CBY1: variants seen among roughly 807,000 people sequenced by gnomAD.
The protein encoded by CBY1 is chibby 1, beta catenin antagonist, also known as protein chibby homolog 1.
CBY1 carries 10 observed loss-of-function variants against 15.6 expected under a neutral mutation model. The ratio of observed to expected loss-of-function variants is 0.64; its 90% CI spans 0.40 to 1.09. The LOEUF (loss-of-function observed/expected upper bound fraction) is 1.09, where lower values mean the gene tolerates loss of function less well. CBY1 is among the 50% of genes least tolerant of loss of function. The pLI, the probability that CBY1 is intolerant of heterozygous loss-of-function variation, is 0.01. For missense variants in CBY1, 150 were observed against 160.5 expected (o/e 0.93, Z 0.35); for synonymous variants, 61 against 63.5 (o/e 0.96, Z 0.19).
Position 38,673,210 on chromosome 22 carries a change from C to A in CBY1, c.355C>A (p.Leu119Met), listed in dbSNP as rs377451904. The change falls in exon 5 of 5, where the codon CTG becomes ATG. Residue 119 changes from leucine to methionine, a missense_variant. Coordinates refer to ENST00000216029, the MANE Select transcript of CBY1 (RefSeq NM_015373.4). ...CTTAATGGAGAAGGAACTGGATGAA[C>A]TGAGGATCAGCCGGAAGAGAAAATG... ...SHLMEKELDELRISRKRK is the reference protein window; with the variant it reads ...SHLMEKELDEMRISRKRK 56 of 1,612,292 alleles carry A rather than the reference C, an allele frequency of 3.5e-5. No homozygotes were observed. The highest frequency in any genetic ancestry group is 4.5e-5 in the Non-Finnish European group (53 of 1,178,512).
At chr22:38,671,391 T>A (rs1603121144) in intron 4 of CBY1, 1 of 571,894 alleles carries the variant, frequency 1.7e-6, no homozygotes, top group Admixed American at 3.0e-5. Flanking sequence ...CATAATTACA[T>A]AAGGACCCAG....
At chr22:38,673,031 C>A in intron 4 of CBY1, 128 bp from the exon 5 acceptor site, 1 of 631,530 alleles carries the variant, frequency 1.6e-6, no homozygotes, top group Non-Finnish European at 2.9e-6. Context: ...GAGGGTTTCC[C>A]ATCGAGGAAG....
chr22:38,657,104 T>C (rs2092400838), intron 1 of CBY1: 2 of 984,028 alleles, frequency 2.0e-6, no homozygotes, highest in Non-Finnish European at 2.4e-6. Context: ...GAGAATCCGA[T>C]GAAAACCAGA....
Position 38,673,240 on chromosome 22 carries a change from C to T in CBY1, c.*4C>T, listed in dbSNP as rs1256253291. On this transcript the variant is annotated 3_prime_UTR_variant, in exon 5 of 5. Transcript: ENST00000216029. ...GATCAGCCGGAAGAGAAAATGAAGACCCCAGAGACATTTATTGGGGAGTAG... is the reference window on the plus strand; with the variant it reads ...GATCAGCCGGAAGAGAAAATGAAGATCCCAGAGACATTTATTGGGGAGTAG... The T allele has an allele frequency of 1.3e-6, 2 of 1,598,294 alleles. No individual in the cohort carries two copies. Among genetic ancestry groups the T allele is most frequent in the Non-Finnish European group, 1.7e-6 (2 of 1,165,848 alleles).
chr22:38,657,800 C>T (rs1464486177), intron 1 of CBY1, among the ~76,000 whole-genome samples: 3 of 152,182 alleles, frequency 2.0e-5, no homozygotes, highest in South Asian at 4.1e-4. Context: ...TGCTCAGGCC[C>T]AGTGCAGTTA....
intron 1 of CBY1, among the ~76,000 whole-genome samples, chr22:38,662,250 C>T (rs930516713): frequency 6.7e-6 from 1 of 149,502 alleles, no homozygotes; most frequent in Admixed American, 6.7e-5. Context: ...TGCAGTGAGC[C>T]GAGATCACGC....
chr22:38,666,595 G>A (rs1031793218), intron 1 of CBY1: 2 of 152,176 alleles, frequency 1.3e-5, no homozygotes, highest in African/African-American at 4.8e-5. Flanking sequence ...AACAGGTAAC[G>A]TGACATATGA....
intron 4 of CBY1, 65 bp from the exon 5 acceptor site, chr22:38,673,094 C>A (rs1054085106): frequency 2.1e-5 from 24 of 1,161,062 alleles, no homozygotes; most frequent in Non-Finnish European, 2.6e-5. Context: ...GTAGGGCCGG[C>A]CTTGCTAACC....
In CBY1 at chr22:38,671,068, A is replaced by G. The variant is rs756161618; in HGVS notation, c.185-2A>G. On this transcript the variant is annotated splice_acceptor_variant, in intron 3 of 4. Transcript: ENST00000216029. LOFTEE classifies it high-confidence loss of function. ...CTTTAACTGGTTCTGTCCTTCCTCC[A>G]GAGACAGGGGTTAGTGGCGGTGTGG... 6.2e-7 allele frequency: 1 copy of G among 1,614,070 alleles called. No individual in the cohort carries two copies. The highest frequency in any genetic ancestry group is 1.1e-5 in the South Asian group (1 of 91,088).
Position 38,656,868 on chromosome 22 carries a change from G to A in CBY1, c.-39+118G>A, listed in dbSNP as rs2092398507. On this transcript the variant is annotated intron_variant, in intron 1 of 4. Coordinates refer to ENST00000216029, the MANE Select transcript of CBY1 (RefSeq NM_015373.4). ...AGGCTTCAGGAGGGCCTGGGGAAGG[G>A]GACGGAGGCCGGGCGACCCCGGGCG... is the stretch of plus-strand genomic sequence containing the variant. 2.0e-5 allele frequency: 3 copies of A among 152,062 alleles called. No individual in the cohort carries two copies. In the East Asian group the frequency reaches 5.8e-4, roughly 29 times the overall value. The allele number at this position is 152,062 out of a possible 1,614,324, so 9.4% of individuals were successfully genotyped here.
intron 1 of CBY1, among the ~76,000 whole-genome samples, chr22:38,662,370 C>G (rs141925052): frequency 8.6e-5 from 13 of 151,536 alleles, no homozygotes; most frequent in Admixed American, 1.3e-4. Flanking sequence ...AGAACACTAA[C>G]CCCTGTTTTA....
At chr22:38,673,052 C>T in intron 4 of CBY1, 107 bp from the exon 5 acceptor site, 1 of 716,436 alleles carries the variant, frequency 1.4e-6, no homozygotes, top group Non-Finnish European at 2.5e-6. Flanking sequence ...CCAGCAGCAT[C>T]AGAGAAGTGG....
intron 1 of CBY1, among the ~76,000 whole-genome samples, chr22:38,663,066 G>A (rs1014881531): frequency 3.3e-5 from 5 of 152,052 alleles, no homozygotes; most frequent in African/African-American, 9.7e-5. Context: ...GTTGCAGTCA[G>A]CTGAGATCAC....
chr22:38,662,309 A>AAT (rs1555982183), intron 1 of CBY1, among the ~76,000 whole-genome samples: 118 of 151,854 alleles, frequency 7.8e-4, no homozygotes, highest in East Asian at 1.7e-3. Context: ...CTCAAAAAAA[A>AAT]AAATAAATAA....
At chr22:38,667,761 C>T (rs191238706) in intron 1 of CBY1, 15 of 380,600 alleles carry the variant, frequency 3.9e-5, no homozygotes, top group South Asian at 1.5e-4. Flanking sequence ...CAGGAGCCCA[C>T]GCCAGAGAAA....
At chr22:38,672,319 T>TTTTA (rs977655598) in intron 4 of CBY1, among the ~76,000 whole-genome samples, 3 of 151,772 alleles carry the variant, frequency 2.0e-5, no homozygotes, top group Non-Finnish European at 4.4e-5. Flanking sequence ...TTATTTTTAT[T>TTTTA]TTTATTTATT....
Position 38,671,115 on chromosome 22 carries a change from T to C in CBY1, c.230T>C (p.Leu77Pro). 6.2e-7 allele frequency: 1 copy of C among 1,614,232 alleles called. No homozygotes were observed. The highest frequency in any genetic ancestry group is 1.1e-5 in the South Asian group (1 of 91,088). The change falls in exon 4 of 5, where the codon CTT becomes CCT. Residue 77 changes from leucine (L) to proline (P), a missense_variant. Leu to Pro is a moderately conservative substitution (Grantham distance 98). Transcript: ENST00000216029. ...GGVDRREVQR[L>P]RRRNQQLEEE... is the part of the protein sequence containing the mutation. ...GTGGACCGGAGGGAGGTTCAGCGCC[T>C]TCGCAGGCGGAACCAGCAGTTGGAG...
At chr22:38,663,134 A>C (rs2092426482) in intron 1 of CBY1, among the ~76,000 whole-genome samples, 1 of 151,940 alleles carries the variant, frequency 6.6e-6, no homozygotes, top group East Asian at 1.9e-4. Context: ...TAAATAAATA[A>C]ATAAATAAAT....
At chr22:38,671,691 G>A (rs2092452991) in intron 4 of CBY1, 2 of 161,658 alleles carry the variant, frequency 1.2e-5, no homozygotes, top group African/African-American at 4.8e-5. Flanking sequence ...ACTGGGCCTA[G>A]AGGAGCCTGT....
Sources: gnomAD v4.1 joint callset for allele counts (sites outside exome capture counted in the v4.1 genomes callset) on GRCh38, gnomAD v4.1.1 for gene constraint, MANE v1.5 for transcripts, NCBI Gene and HGNC (gene_info 2026-07-23, HGNC 2026-07-21) for gene names.